The following TAOK3 variants were observed in gnomAD, a reference collection of about 807,000 sequenced individuals.
The protein encoded by TAOK3 is serine/threonine-protein kinase TAO3.
Under a neutral mutation model 120.4 loss-of-function variants are expected in TAOK3, and 40 were observed. That is an observed-to-expected ratio of 0.33 (90% confidence interval 0.26 to 0.43). The LOEUF is 0.43. TAOK3 is among the 20% of genes least tolerant of loss of function. The pLI is 1.00. For synonymous variants in TAOK3, 355 were observed against 387.5 expected, an observed-to-expected ratio of 0.92 and a Z score of 0.99; for missense variants, 821 against 1,112.1, an observed-to-expected ratio of 0.74 and a Z score of 3.72.
chr12:118,213,791 A>G (rs1279073153), intron 10 of TAOK3, among the ~76,000 whole-genome samples: 1 of 152,190 alleles, frequency 6.6e-6, no homozygotes, highest in Non-Finnish European at 1.5e-5. Context: ...GTTACTAGAC[A>G]CATTAAGAAC....
intron 1 of TAOK3, among the ~76,000 whole-genome samples, chr12:118,346,720 G>T (rs2044875568): frequency 6.6e-6 from 1 of 152,182 alleles, no homozygotes; most frequent in African/African-American, 2.4e-5. Context: ...CATAGGCAAA[G>T]ATATGTTCAA....
intron 1 of TAOK3, among the ~76,000 whole-genome samples, chr12:118,306,207 GT>G (rs2043047688): frequency 6.6e-6 from 1 of 152,126 alleles, no homozygotes; most frequent in Non-Finnish European, 1.5e-5. Context: ...GTGTCATGGG[GT>G]TTTGGTGTAT....
intron 1 of TAOK3, among the ~76,000 whole-genome samples, chr12:118,328,057 CTT>C (rs199805678): frequency 3.5e-5 from 5 of 143,992 alleles, no homozygotes; most frequent in Non-Finnish European, 3.1e-5. Flanking sequence ...TCAACAGGTA[CTT>C]TTTTTTTTTT....
intron 5 of TAOK3, among the ~76,000 whole-genome samples, chr12:118,240,569 C>A (rs556815223): frequency 1.3e-5 from 2 of 151,950 alleles, no homozygotes; most frequent in African/African-American, 4.8e-5. Context: ...TGGTCTTGAT[C>A]TCCTGACCTC....
At chr12:118,349,569 GA>G (rs147275167) in intron 1 of TAOK3, among the ~76,000 whole-genome samples, 9,401 of 152,204 alleles carry the variant, frequency 0.062, 703 homozygotes, top group African/African-American at 0.17. Context: ...CATAGAGACA[GA>G]AAGTAAATTA....
At chr12:118,362,740 G>T (rs1180908214) in intron 1 of TAOK3, among the ~76,000 whole-genome samples, 1 of 152,090 alleles carries the variant, frequency 6.6e-6, no homozygotes, top group Non-Finnish European at 1.5e-5. Flanking sequence ...AACAGGCCAG[G>T]TGTGCAGCGG....
intron 3 of TAOK3, chr12:118,246,085 T>C: frequency 9.3e-7 from 1 of 1,072,398 alleles, no homozygotes. Flanking sequence ...AAACAACAAA[T>C]GGCGGATGAC....
intron 5 of TAOK3, 51 bp downstream of exon 5, chr12:118,243,363 AG>A (rs1182873134): frequency 9.9e-7 from 1 of 1,015,092 alleles, no homozygotes; most frequent in Non-Finnish European, 1.5e-6. Context: ...TAGAAAAAAA[AG>A]AAAAAGAAAA....
At chr12:118,181,776 CTT>C (rs745733789) in intron 14 of TAOK3, among the ~76,000 whole-genome samples, 169 bp from the exon 15 acceptor site, 10 of 152,222 alleles carry the variant, frequency 6.6e-5, no homozygotes, top group African/African-American at 1.7e-4. Context: ...GATAGATACT[CTT>C]TATGTATTTT....
intron 1 of TAOK3, among the ~76,000 whole-genome samples, chr12:118,278,497 G>A (rs1009539950): frequency 2.6e-5 from 4 of 152,156 alleles, no homozygotes; most frequent in Non-Finnish European, 4.4e-5. Context: ...TGGCTGCATA[G>A]TATTCCATGG....
In TAOK3 at chr12:118,184,716, G is replaced by A. The variant is rs75237447; in HGVS notation, c.1330-3109C>T. Reference sequence around the variant, plus strand: ...AGAAAGTTATAAAGATGTAGTAACTGTAGTTTTTACAATGGCAGTCTCAAA... The same window carrying A: ...AGAAAGTTATAAAGATGTAGTAACTATAGTTTTTACAATGGCAGTCTCAAA... On this transcript the variant is annotated intron_variant, in intron 14 of 20. Coordinates refer to ENST00000392533, the MANE Select transcript of TAOK3 (RefSeq NM_016281.4). Among the ~76,000 whole-genome samples the A allele has an allele frequency of 2.5e-4, 38 of 152,314 alleles. No homozygotes were observed. In the East Asian group the frequency reaches 6.4e-3, roughly 26 times the overall value.
At chr12:118,318,470 T>C (rs1409015157) in intron 1 of TAOK3, among the ~76,000 whole-genome samples, 1 of 152,132 alleles carries the variant, frequency 6.6e-6, no homozygotes, top group East Asian at 1.9e-4. Flanking sequence ...CTCTTAAATA[T>C]AGGGACAAAT....
At chr12:118,305,507 C>T (rs1241492239) in intron 1 of TAOK3, among the ~76,000 whole-genome samples, 1 of 151,760 alleles carries the variant, frequency 6.6e-6, no homozygotes, top group Non-Finnish European at 1.5e-5. Context: ...AAACTTAATC[C>T]ACTACTACTA....
At chr12:118,355,285 C>G (rs2045345225) in intron 1 of TAOK3, among the ~76,000 whole-genome samples, 1 of 152,074 alleles carries the variant, frequency 6.6e-6, no homozygotes, top group South Asian at 2.1e-4. Context: ...AGACACAGTC[C>G]TAACTTTATC....
intron 1 of TAOK3, among the ~76,000 whole-genome samples, chr12:118,286,980 T>C (rs1386969867): frequency 6.6e-6 from 1 of 152,136 alleles, no homozygotes; most frequent in Non-Finnish European, 1.5e-5. Context: ...GAAAATCGAA[T>C]ATAGTATGTT....
In TAOK3 at chr12:118,181,571, C is replaced by T. The variant is rs1284152609; in HGVS notation, c.1366G>A (p.Glu456Lys). Reference sequence around the variant, plus strand: ...TAACCTGACATCTGTTCCCGCAACTCGTTCTCCTGCTCATGCTCATGGATC... The same window carrying T: ...TAACCTGACATCTGTTCCCGCAACTTGTTCTCCTGCTCATGCTCATGGATC... ...RQIHEHEQEN[E>K]LREQMSGYKR... Residue 456 changes from glutamate to lysine, a missense_variant, in exon 15 of 21, where the codon GAG becomes AAG. Around this residue, in one of 2 missense-constraint regions of TAOK3, gnomAD observed 354 missense variants for 572.1 expected, o/e 0.62. Coordinates refer to ENST00000392533, the MANE Select transcript of TAOK3 (RefSeq NM_016281.4). 3.1e-6 allele frequency: 5 copies of T among 1,614,074 alleles called. No homozygotes were observed. The highest frequency in any genetic ancestry group is 4.2e-6 in the Non-Finnish European group (5 of 1,180,044).
At chr12:118,207,691 C>T (rs2038397464) in intron 11 of TAOK3, among the ~76,000 whole-genome samples, 1 of 151,994 alleles carries the variant, frequency 6.6e-6, no homozygotes, top group Non-Finnish European at 1.5e-5. Flanking sequence ...CCTGTGTCCA[C>T]TAAAAATAGA....
At chr12:118,229,077 G>A (rs1235541838) in intron 9 of TAOK3, among the ~76,000 whole-genome samples, 4 of 151,560 alleles carry the variant, frequency 2.6e-5, no homozygotes, top group East Asian at 3.9e-4. Flanking sequence ...TTTCTCTACT[G>A]GTTGTTTGGC....
At chr12:118,245,821 A>G (rs2040466950) in intron 3 of TAOK3, among the ~76,000 whole-genome samples, 2 of 152,222 alleles carry the variant, frequency 1.3e-5, no homozygotes, top group Non-Finnish European at 2.9e-5. Context: ...TCATATTCCC[A>G]AATGACCCAT....
Sources: gnomAD v4.1 joint callset for allele counts (sites outside exome capture counted in the v4.1 genomes callset) on GRCh38, gnomAD v4.1.1 for gene constraint, gnomAD v4.1.1 regional missense constraint, MANE v1.5 for transcripts, NCBI Gene and HGNC (gene_info 2026-07-23, HGNC 2026-07-21) for gene names.